MINDY4B: variants seen among roughly 807,000 people sequenced by gnomAD.
MINDY4B encodes the protein inactive ubiquitin carboxyl-terminal hydrolase MINDY-4B.
Under a neutral mutation model 16.7 loss-of-function variants are expected in MINDY4B, and 25 were observed. The observed-to-expected ratio is 1.49, with a 90% confidence interval of 1.09 to 2.09. The LOEUF (loss-of-function observed/expected upper bound fraction) is 2.09, where lower values mean the gene tolerates loss of function less well. Among genes scored for constraint, MINDY4B ranks in the 30% most tolerant of loss-of-function variants. The pLI, the probability that MINDY4B is intolerant of heterozygous loss-of-function variation, is 0.00. For missense variants in MINDY4B, 327 were observed against 168.4 expected (o/e 1.94, Z -5.21); for synonymous variants, 132 against 61.9 (o/e 2.13, Z -5.32).
chr3:150,870,675 C>T lies in MINDY4B; in HGVS notation c.*370G>A, dbSNP rs185525046. 6.6e-5 allele frequency among the ~76,000 whole-genome samples: 10 copies of T among 152,246 alleles called. No homozygotes were observed. Among genetic ancestry groups the T allele is most frequent in the African/African-American group, 2.4e-4 (10 of 41,522 alleles). On this transcript the variant is annotated 3_prime_UTR_variant, in exon 12 of 12. Coordinates refer to ENST00000465419, the MANE Select transcript of MINDY4B (RefSeq NM_001351281.2). ...GATGCATTACCAATGACTTCATCCC[C>T]AAATGAAAGCTAGCAGCCTGCTTCC...
intron 10 of MINDY4B, among the ~76,000 whole-genome samples, chr3:150,882,090 G>A (rs532846671): frequency 6.6e-6 from 1 of 152,338 alleles, no homozygotes; most frequent in South Asian, 2.1e-4. Flanking sequence ...CCATCAAATT[G>A]AATGACATCT....
chr3:150,883,906 A>G (rs1244226716), intron 8 of MINDY4B, 134 bp from the exon 9 acceptor site: 5 of 614,254 alleles, frequency 8.1e-6, no homozygotes, highest in Admixed American at 2.6e-5. Context: ...GCACTTTTCC[A>G]TCTCTCACAG....
At chr3:150,874,048 C>T (rs1439524468) in intron 10 of MINDY4B, among the ~76,000 whole-genome samples, 1 of 117,464 alleles carries the variant, frequency 8.5e-6, no homozygotes, top group East Asian at 2.8e-4. Flanking sequence ...CAGGATCTTG[C>T]TCTGTCATCC....
At position 150,885,429 on chromosome 3, in the gene MINDY4B, C is replaced by G. The variant is rs1216621433; in HGVS notation, c.763G>C (p.Glu255Gln). The G allele has an allele frequency of 5.7e-6, 4 of 700,110 alleles. No homozygotes were observed. Among genetic ancestry groups the G allele is most frequent in the Non-Finnish European group, 1.0e-5 (4 of 384,520 alleles). The allele number at this position is 700,110 out of a possible 1,614,324, so 43.4% of individuals were successfully genotyped here. ...IYDHLLCFRGEGSHGVILFLY... is the reference protein window; with the variant it reads ...IYDHLLCFRGQGSHGVILFLY... ...AACAGGATGACACCATGGCTTCCTT[C>G]CCCTCTGAACTGTTCGGAAAAGAAA... The change falls in exon 8 of 12, where the codon GAA (glutamate) becomes CAA (glutamine). Residue 255 changes from glutamate to glutamine, a missense_variant. Physicochemically the swap from Glu to Gln is conservative, Grantham distance 29 (BLOSUM62 2). Coordinates refer to ENST00000465419, the MANE Select transcript of MINDY4B (RefSeq NM_001351281.2).
intron 6 of MINDY4B, chr3:150,890,630 AAG>A: frequency 2.0e-6 from 1 of 491,064 alleles, no homozygotes; most frequent in Non-Finnish European, 3.6e-6. Context: ...TAAAACTAGA[AAG>A]AGATTTTTTC....
At chr3:150,885,125 C>T (rs1304056967) in intron 8 of MINDY4B, among the ~76,000 whole-genome samples, 1 of 152,184 alleles carries the variant, frequency 6.6e-6, no homozygotes, top group Non-Finnish European at 1.5e-5. Flanking sequence ...ATATTTACAG[C>T]CACAAGAAGG....
Position 150,895,631 on chromosome 3 carries a change from A to C in MINDY4B, c.310-1326T>G, listed in dbSNP as rs536516660. On this transcript the variant is annotated intron_variant, in intron 3 of 11. Transcript: ENST00000465419. ...AGGTGTGTGCCACAACACCTGGCTC[A>C]TTTTTGTGTTTTTAGTAGAGACAGG... 2.1e-3 allele frequency among the ~76,000 whole-genome samples: 316 copies of C among 152,136 alleles called. 2 individuals are homozygous for C. The highest frequency in any genetic ancestry group is 3.9e-3 in the Non-Finnish European group (265 of 67,984).
intron 10 of MINDY4B, among the ~76,000 whole-genome samples, chr3:150,876,588 C>T (rs892383910): frequency 6.6e-6 from 1 of 152,200 alleles, no homozygotes; most frequent in Admixed American, 6.5e-5. Flanking sequence ...TTGCAGGGCG[C>T]TACCTCAGTG....
At chr3:150,897,590 G>A (rs1324905732) in intron 3 of MINDY4B, among the ~76,000 whole-genome samples, 5 of 152,118 alleles carry the variant, frequency 3.3e-5, no homozygotes, top group Admixed American at 6.5e-5. Flanking sequence ...AAGGAAAGAC[G>A]TGGGAGAAGC....
intron 10 of MINDY4B, among the ~76,000 whole-genome samples, chr3:150,878,442 A>T (rs1711500259): frequency 6.6e-6 from 1 of 152,128 alleles, no homozygotes; most frequent in Non-Finnish European, 1.5e-5. Flanking sequence ...TTAAAACCAA[A>T]CTTCAAATGC....
Position 150,882,807 on chromosome 3 carries a change from C to T in MINDY4B, c.1059+90G>A. On this transcript the variant is annotated intron_variant, in intron 10 of 11. Coordinates refer to ENST00000465419, the MANE Select transcript of MINDY4B (RefSeq NM_001351281.2). ...GGCAGACAGTAAGGGAGAAAGTAGG[C>T]TCGGGTTTGAATTGCCTAAATAGAC... is the stretch of plus-strand genomic sequence containing the variant. 3 of 524,900 alleles carry T rather than the reference C, an allele frequency of 5.7e-6. No homozygotes were observed. The South Asian group carries it at 8.5e-5, about 15-fold the overall frequency. The allele number at this position is 524,900 out of a possible 1,614,324, so 32.5% of individuals were successfully genotyped here.
intron 3 of MINDY4B, among the ~76,000 whole-genome samples, chr3:150,894,926 A>G (rs1413611747): frequency 6.6e-6 from 1 of 152,266 alleles, no homozygotes; most frequent in African/African-American, 2.4e-5. Flanking sequence ...TGTACAAGAC[A>G]GAACATGTGA....
Position 150,870,937 on chromosome 3 carries a change from T to TG in MINDY4B, c.*107dup, listed in dbSNP as rs1021783583. 2 of 606,034 alleles carry TG rather than the reference T, an allele frequency of 3.3e-6. No homozygotes were observed. The highest frequency in any genetic ancestry group is 3.7e-5 in the African/African-American group (2 of 53,862). The allele number at this position is 606,034 out of a possible 1,614,324, so 37.5% of individuals were successfully genotyped here. A position where few individuals can be genotyped will look rare whatever the true frequency, so the allele number is the denominator to read the frequency against. ...AATGGTATATATATATATTTTTTGG[T>TG]GGGGCTTGTGAATGAGAAATATGGA... On this transcript the variant is annotated 3_prime_UTR_variant, in exon 12 of 12. Coordinates refer to ENST00000465419, the MANE Select transcript of MINDY4B (RefSeq NM_001351281.2).
At chr3:150,892,938 T>C (rs530429070) in intron 5 of MINDY4B, among the ~76,000 whole-genome samples, 1 of 119,606 alleles carries the variant, frequency 8.4e-6, no homozygotes, top group South Asian at 3.2e-4. Flanking sequence ...GAGACTTTGT[T>C]GCAAAAAAAA....
intron 3 of MINDY4B, among the ~76,000 whole-genome samples, chr3:150,894,690 C>T (rs976603593): frequency 6.6e-6 from 1 of 152,190 alleles, no homozygotes; most frequent in Non-Finnish European, 1.5e-5. Flanking sequence ...TTTAAACAAG[C>T]ATTCTCTCTG....
At chr3:150,885,856 G>A (rs183056586) in intron 7 of MINDY4B, among the ~76,000 whole-genome samples, 3 of 152,168 alleles carry the variant, frequency 2.0e-5, no homozygotes, top group Non-Finnish European at 4.4e-5. Flanking sequence ...TGTAGAACTC[G>A]CTTTGGAGTT....
At chr3:150,871,528 T>C (rs1374887670) in intron 11 of MINDY4B, among the ~76,000 whole-genome samples, 1 of 150,554 alleles carries the variant, frequency 6.6e-6, no homozygotes, top group Non-Finnish European at 1.5e-5. Context: ...TAGAACCAGG[T>C]ATAGGTTACT....
At chr3:150,903,979 G>T (rs1332796817) in intron 2 of MINDY4B, among the ~76,000 whole-genome samples, 1 of 152,116 alleles carries the variant, frequency 6.6e-6, no homozygotes, top group East Asian at 1.9e-4. Context: ...GTTAGCATCA[G>T]CTCTTCTTCA....
intron 10 of MINDY4B, among the ~76,000 whole-genome samples, chr3:150,879,225 C>A (rs1480199737): frequency 6.6e-6 from 1 of 151,910 alleles, no homozygotes; most frequent in East Asian, 1.9e-4. Context: ...ATCAGCTAAG[C>A]CTAAAGAGAT....
Sources: gnomAD v4.1 joint callset for allele counts (sites outside exome capture counted in the v4.1 genomes callset) on GRCh38, gnomAD v4.1.1 for gene constraint, MANE v1.5 for transcripts, NCBI Gene and HGNC (gene_info 2026-07-23, HGNC 2026-07-21) for gene names.